The following PRH1 variants were observed in gnomAD, a reference collection of about 807,000 sequenced individuals.
The protein encoded by PRH1 is salivary acidic proline-rich phosphoprotein 1/2.
In PRH1, 7 loss-of-function variants were observed where a neutral mutation model predicts 7.9. The observed-to-expected ratio is 0.89, with a 90% CI of 0.50 to 1.67. PRH1 has a LOEUF of 1.67. PRH1 is among the 40% of genes most tolerant of loss of function. The pLI, the probability that PRH1 is intolerant of heterozygous loss-of-function variation, is 0.00. For synonymous variants in PRH1, 45 were observed against 80.8 expected (o/e 0.56, Z 2.38); for missense variants, 109 against 223.6 (o/e 0.49, Z 3.27).
chr12:11,012,799 C>T (rs889633921), intron 1 of PRH1, among the ~76,000 whole-genome samples: 15 of 152,226 alleles, frequency 9.9e-5, no homozygotes, highest in Middle Eastern at 3.4e-3. Flanking sequence ...CTCATACGAT[C>T]TTCCCACCTT....
chr12:11,120,137 G>T (rs543725576), downstream of PRH1, among the ~76,000 whole-genome samples: 3 of 152,282 alleles, frequency 2.0e-5, no homozygotes, highest in South Asian at 6.2e-4. Context: ...ATAAAAGTAG[G>T]AGTTAGAACC....
At chr12:11,014,405 C>G (rs1941200301) in intron 1 of PRH1, among the ~76,000 whole-genome samples, 1 of 152,070 alleles carries the variant, frequency 6.6e-6, no homozygotes, top group Non-Finnish European at 1.5e-5. Flanking sequence ...GATGACTAAC[C>G]TTGGGAACAT....
At chr12:11,084,199 G>A (rs77407021) in intron 1 of PRH1, among the ~76,000 whole-genome samples, 42,044 of 106,288 alleles carry the variant, frequency 0.4, 5,066 homozygotes, top group Non-Finnish European at 0.48. Flanking sequence ...GGATTGTAAC[G>A]GGCACAAGCA....
intron 1 of PRH1, among the ~76,000 whole-genome samples, chr12:11,163,192 T>TA (rs75740593): frequency 0.29 from 43,976 of 151,680 alleles, 8,246 homozygotes; most frequent in East Asian, 0.74. Context: ...TAAAAGCAAT[T>TA]AAAAAAGGAA....
chr12:11,022,622 T>C (rs1450314439), intron 1 of PRH1: 1 of 1,342,312 alleles, frequency 7.4e-7, no homozygotes, highest in Admixed American at 2.1e-5. Context: ...TCTGAGTCCT[T>C]TAACATCCAG....
At chr12:11,045,210 T>A (rs935340327) in intron 1 of PRH1, among the ~76,000 whole-genome samples, 1 of 140,480 alleles carries the variant, frequency 7.1e-6, no homozygotes, top group African/African-American at 2.6e-5. Context: ...CAGAAACAAC[T>A]GCAATGTTTG....
intron 1 of PRH1, among the ~76,000 whole-genome samples, chr12:11,004,772 G>A (rs528000065): frequency 7.2e-5 from 11 of 151,954 alleles, no homozygotes; most frequent in African/African-American, 1.4e-4. Context: ...CAATCATTAC[G>A]TCAAATGACT....
At chr12:11,148,366 A>T (rs1344629612) in intron 1 of PRH1, among the ~76,000 whole-genome samples, 2 of 151,122 alleles carry the variant, frequency 1.3e-5, no homozygotes, top group African/African-American at 4.9e-5. Context: ...GTCTTGTGCC[A>T]GTTTTCAAAG....
At position 11,073,057 on chromosome 12, in the gene PRH1, T is replaced by C. The variant is rs1274528663; in HGVS notation, n.124-25869A>G. On this transcript the variant is annotated intron_variant and non_coding_transcript_variant, in intron 1 of 4. Coordinates refer to the PRH1 transcript ENST00000541977. ...CAGAAAGAGATACACCTGATAATAT[T>C]TGGAAACCTGCAACATAGATATTGT... is the stretch of plus-strand genomic sequence containing the variant. 4.5e-5 allele frequency among the ~76,000 whole-genome samples: 6 copies of C among 132,142 alleles called. 1 individual carries two copies. The highest frequency in any genetic ancestry group is 2.2e-4 in the South Asian group (1 of 4,596). The allele number at this position is 132,142 out of a possible 152,430, so 86.7% of individuals were successfully genotyped here.
At chr12:11,121,338 G>C (rs541582309) in intron 1 of PRH1, among the ~76,000 whole-genome samples, 1 of 151,582 alleles carries the variant, frequency 6.6e-6, no homozygotes, top group South Asian at 2.1e-4. Context: ...ATTCAGTTAT[G>C]ATCCATAGTT....
intron 2 of PRH1, among the ~76,000 whole-genome samples, chr12:10,940,541 TGCCCAGTAGG>T (rs201680175): frequency 0.015 from 2,307 of 152,290 alleles, 21 homozygotes; most frequent in South Asian, 0.031. Flanking sequence ...GCCTCTCCCC[TGCCCAGTAGG>T]GCATATTGCT....
chr12:11,001,002 G>A (rs1591794330), intron 1 of PRH1, among the ~76,000 whole-genome samples: 1 of 133,314 alleles, frequency 7.5e-6, no homozygotes, highest in African/African-American at 2.5e-5. Context: ...CAGTTGGTTG[G>A]CTTTGTTTTT....
At chr12:11,082,962 T>C (rs1333677951) in intron 1 of PRH1, among the ~76,000 whole-genome samples, 20 of 102,878 alleles carry the variant, frequency 1.9e-4, no homozygotes, top group Non-Finnish European at 3.3e-4. Flanking sequence ...GTCAAAGTAG[T>C]TACACTACAT....
rs553210216 is a variant in PRH1, at chr12:11,167,036, C to A, written n.39+4386G>T. Among the ~76,000 whole-genome samples, 4 of 152,336 alleles carry A rather than the reference C, an allele frequency of 2.6e-5. No individual in the cohort carries two copies. The South Asian group carries it at 8.3e-4, about 32-fold the overall frequency. On this transcript the variant is annotated intron_variant and non_coding_transcript_variant, in intron 1 of 1. Transcript: ENST00000541175. The stretch of plus-strand genomic sequence containing the variant: ...ACCCACCTAAATAATATGGGATAAT[C>A]TCCCATCTCAAGGTGCATACCAATA...
chr12:10,961,945 C>A (rs113036910), intron 2 of PRH1, among the ~76,000 whole-genome samples: 3 of 152,198 alleles, frequency 2.0e-5, no homozygotes, highest in African/African-American at 7.2e-5. Flanking sequence ...AACAGAGTCA[C>A]ATACACACAA....
chr12:11,016,767 C>A (rs1436032654), intron 1 of PRH1, among the ~76,000 whole-genome samples: 1 of 152,156 alleles, frequency 6.6e-6, no homozygotes, highest in East Asian at 1.9e-4. Flanking sequence ...TGGCAGCTGG[C>A]AGGACTCTCA....
chr12:11,053,074 GCTTT>G (rs1292929952), intron 1 of PRH1, among the ~76,000 whole-genome samples: 2 of 152,140 alleles, frequency 1.3e-5, no homozygotes, highest in African/African-American at 2.4e-5. Context: ...GATGTGAGTA[GCTTT>G]TTTTGGATAT....
chr12:11,059,323 C>T (rs1335070499), intron 1 of PRH1, among the ~76,000 whole-genome samples: 1 of 147,940 alleles, frequency 6.8e-6, no homozygotes, highest in Non-Finnish European at 1.5e-5. Flanking sequence ...GACATCACCA[C>T]ACATTGTTTC....
intron 2 of PRH1, among the ~76,000 whole-genome samples, chr12:10,954,446 G>T (rs77170115): frequency 2.7e-5 from 4 of 149,440 alleles, no homozygotes; most frequent in Non-Finnish European, 6.0e-5. Flanking sequence ...ATAGAAGCAG[G>T]GTTGCTATTC....
Sources: allele counts gnomAD v4.1 joint callset (sites outside exome capture counted in the v4.1 genomes callset), GRCh38; gene constraint gnomAD v4.1.1; transcripts MANE v1.5; gene names NCBI Gene and HGNC (gene_info 2026-07-23, HGNC 2026-07-21).